Variants in EPB41 observed in about 807,000 individuals in gnomAD.
EPB41 encodes protein 4.1.
EPB41 carries 65 observed loss-of-function variants against 108.0 expected under a neutral mutation model. The observed-to-expected ratio is 0.60, with a 90% CI of 0.49 to 0.74. The LOEUF is 0.74. Ranked by LOEUF, EPB41 falls within the 30% of genes least tolerant of loss-of-function variation. The pLI, the probability that EPB41 is intolerant of heterozygous loss-of-function variation, is 0.00. For synonymous variants in EPB41, 336 were observed against 358.9 expected (o/e 0.94, Z 0.72); for missense variants, 875 against 1,037.0 (o/e 0.84, Z 2.15).
chr1:28,989,853 A>G (rs1042135260), intron 2 of EPB41, among the ~76,000 whole-genome samples: 1 of 152,220 alleles, frequency 6.6e-6, no homozygotes, highest in Non-Finnish European at 1.5e-5. Context: ...ATTGCCTGGC[A>G]TTTAATAAAT....
chr1:28,914,354 T>C (rs1289812881), upstream of EPB41, among the ~76,000 whole-genome samples: 1 of 152,184 alleles, frequency 6.6e-6, no homozygotes, highest in East Asian at 1.9e-4. Context: ...CCTCTCTCTT[T>C]TTCGTTCCCC....
At chr1:28,916,817 G>T (rs1320760592) in intron 1 of EPB41, among the ~76,000 whole-genome samples, 6 of 150,766 alleles carry the variant, frequency 4.0e-5, no homozygotes, top group Non-Finnish European at 7.4e-5. Context: ...TTTAAACAGG[G>T]TCTCATTCTG....
chr1:28,924,402 A>G (rs1003471969), intron 1 of EPB41, among the ~76,000 whole-genome samples: 1 of 152,120 alleles, frequency 6.6e-6, no homozygotes, highest in Non-Finnish European at 1.5e-5. Context: ...GGTGGTGTGC[A>G]CCTGTAGTCC....
chr1:29,039,203 GAAT>G (rs749991232), intron 10 of EPB41, 48 bp from the exon 11 acceptor site: 7 of 1,551,540 alleles, frequency 4.5e-6, no homozygotes, highest in South Asian at 1.2e-5. Flanking sequence ...TACAGTTTTA[GAAT>G]AATAAGATGA....
intron 17 of EPB41, among the ~76,000 whole-genome samples, 181 bp from the exon 18 acceptor site, chr1:29,109,155 G>C (rs557326259): frequency 6.6e-6 from 1 of 151,248 alleles, no homozygotes; most frequent in Non-Finnish European, 1.5e-5. Context: ...CTGAGATCAC[G>C]CCACTGCATT....
At chr1:28,961,586 A>G (rs1034697139) in intron 1 of EPB41, among the ~76,000 whole-genome samples, 3 of 152,212 alleles carry the variant, frequency 2.0e-5, no homozygotes, top group African/African-American at 7.2e-5. Flanking sequence ...CATGGGGATA[A>G]TATCTCTTCT....
chr1:28,912,969 C>T (rs529901223), upstream of EPB41, among the ~76,000 whole-genome samples: 1 of 151,806 alleles, frequency 6.6e-6, no homozygotes, highest in East Asian at 2.0e-4. Context: ...CTTCTCCCTC[C>T]CCCAACCCTC....
rs1484731265 is a variant in EPB41, at chr1:29,115,761, G to A, written c.2559G>A (p.Val853=). 2.5e-6 allele frequency: 4 copies of A among 1,614,078 alleles called. No individual in the cohort carries two copies. Among genetic ancestry groups the A allele is most frequent in the Non-Finnish European group, 3.4e-6 (4 of 1,180,002 alleles). Residue 853 remains valine (V), a synonymous_variant, in exon 20 of 21, where the codon GTG becomes GTA. Coordinates refer to ENST00000343067, the MANE Select transcript of EPB41 (RefSeq NM_001376013.1). This position sits in a 1 kb window ranked among gnomAD's most constrained non-coding sequence, Gnocchi z 4.4. The stretch of plus-strand genomic sequence containing the variant: ...ACCCAGACATGTCAGTGACCAAGGT[G>A]GTCGTCCACCAGGAGACCGAGATTG... ...EQHPDMSVTK[V]VVHQETEIAD...
chr1:28,901,011 A>G (rs559166340), intron 1 of EPB41, among the ~76,000 whole-genome samples: 1 of 143,886 alleles, frequency 6.9e-6, no homozygotes, highest in East Asian at 2.1e-4. Flanking sequence ...CTCACTGCAA[A>G]CTCCGCCTCC....
intron 11 of EPB41, among the ~76,000 whole-genome samples, chr1:29,046,025 T>G (rs1217214370): frequency 6.6e-6 from 1 of 152,066 alleles, no homozygotes; most frequent in East Asian, 1.9e-4. Flanking sequence ...TCCTAAATTT[T>G]TTATTTTTTG....
chr1:28,962,825 G>A (rs1025561572), intron 1 of EPB41, among the ~76,000 whole-genome samples: 3 of 152,176 alleles, frequency 2.0e-5, no homozygotes, highest in East Asian at 3.9e-4. Flanking sequence ...TTTATGGCTC[G>A]CAGTATGTGT....
chr1:28,945,638 T>A (rs1324962697), intron 1 of EPB41, among the ~76,000 whole-genome samples: 1 of 152,226 alleles, frequency 6.6e-6, no homozygotes, highest in Non-Finnish European at 1.5e-5. Flanking sequence ...ATATTCTGTT[T>A]TAAAATTTTC....
intron 19 of EPB41, among the ~76,000 whole-genome samples, chr1:29,114,227 C>T (rs906888662): frequency 5.9e-5 from 9 of 152,160 alleles, no homozygotes; most frequent in African/African-American, 2.2e-4. Context: ...TTTTGACTTT[C>T]CCTCTGCTCT....
intron 16 of EPB41, among the ~76,000 whole-genome samples, chr1:29,078,757 A>G (rs1407628856): frequency 3.3e-5 from 5 of 152,172 alleles, no homozygotes; most frequent in Admixed American, 2.0e-4. Flanking sequence ...ACAAAAAATA[A>G]ATAATAAAAT....
intron 1 of EPB41, among the ~76,000 whole-genome samples, chr1:28,975,472 G>A (rs1437393622): frequency 6.6e-6 from 1 of 152,028 alleles, no homozygotes; most frequent in Non-Finnish European, 1.5e-5. Flanking sequence ...CTGATAACCT[G>A]AATTTACCCA....
intron 1 of EPB41, among the ~76,000 whole-genome samples, chr1:28,985,492 G>A (rs917150941): frequency 6.6e-6 from 1 of 152,158 alleles, no homozygotes; most frequent in African/African-American, 2.4e-5. Context: ...AAGGGTATCT[G>A]GGGGCATGAA....
chr1:28,906,852 T>C (rs1290412474), intron 1 of EPB41, among the ~76,000 whole-genome samples: 1 of 150,178 alleles, frequency 6.7e-6, no homozygotes, highest in Non-Finnish European at 1.5e-5. Context: ...CTCAGCTCAC[T>C]GCAAGCTCTG....
chr1:28,913,198 C>T (rs995533585), upstream of EPB41, among the ~76,000 whole-genome samples: 1 of 152,004 alleles, frequency 6.6e-6, no homozygotes, highest in Non-Finnish European at 1.5e-5. Context: ...CCTGTAATCC[C>T]AGCACTTTGG....
chr1:29,098,599 G>A (rs945884891), intron 17 of EPB41, among the ~76,000 whole-genome samples: 5 of 152,160 alleles, frequency 3.3e-5, no homozygotes, highest in Non-Finnish European at 7.4e-5. Context: ...TGGGCTTTGG[G>A]TCTGAAAAAA....
Sources: gnomAD v4.1 joint callset for allele counts (sites outside exome capture counted in the v4.1 genomes callset) on GRCh38, gnomAD v4.1.1 for gene constraint, Gnocchi (gnomAD v3.1) non-coding constraint, MANE v1.5 for transcripts, NCBI Gene and HGNC (gene_info 2026-07-23, HGNC 2026-07-21) for gene names.